The following DPP10 variants were observed in gnomAD, a reference collection of about 807,000 sequenced individuals.
The protein encoded by DPP10 is dipeptidyl peptidase like 10.
DPP10 carries 33 observed loss-of-function variants against 120.9 expected under a neutral mutation model. The ratio of observed to expected loss-of-function variants is 0.27; its 90% confidence interval spans 0.21 to 0.37. The LOEUF (loss-of-function observed/expected upper bound fraction) is 0.37. Ranked by LOEUF, DPP10 falls within the 10% of genes least tolerant of loss-of-function variation. The probability of loss-of-function intolerance (pLI) is 1.00; values close to 1 mark genes in which losing one functional copy is unlikely to be tolerated. For missense variants in DPP10, 816 were observed against 942.8 expected, an observed-to-expected ratio of 0.87 and a Z score of 1.76; for synonymous variants, 337 against 326.1, an observed-to-expected ratio of 1.03 and a Z score of -0.36.
intron 1 of DPP10, among the ~76,000 whole-genome samples, chr2:114,453,404 A>G (rs943998297): frequency 1.4e-4 from 21 of 151,960 alleles, no homozygotes; most frequent in African/African-American, 4.8e-4. Flanking sequence ...TCTTTCCTTC[A>G]TTTCTTTTTT....
intron 1 of DPP10, among the ~76,000 whole-genome samples, chr2:114,649,291 C>T (rs1161828528): frequency 6.6e-6 from 1 of 152,088 alleles, no homozygotes; most frequent in Non-Finnish European, 1.5e-5. Context: ...ATTACTGATA[C>T]TTGGGTTTCG....
chr2:115,021,654 C>T (rs561684208), intron 1 of DPP10, among the ~76,000 whole-genome samples: 2 of 152,142 alleles, frequency 1.3e-5, no homozygotes, highest in South Asian at 2.1e-4. Context: ...CTACCTAAAT[C>T]GTTTTATGAA....
At chr2:114,551,960 G>A (rs889404842) in intron 1 of DPP10, among the ~76,000 whole-genome samples, 1 of 152,154 alleles carries the variant, frequency 6.6e-6, no homozygotes, top group South Asian at 2.1e-4. Flanking sequence ...GGCATGAAAG[G>A]TACCCACTCT....
At chr2:115,400,780 G>A (rs936773765) in intron 3 of DPP10, among the ~76,000 whole-genome samples, 3 of 152,214 alleles carry the variant, frequency 2.0e-5, no homozygotes, top group Admixed American at 6.5e-5. Context: ...AGTTAGAGGA[G>A]TATCTGTGGC....
At chr2:115,799,545 T>G (rs893049871) in intron 19 of DPP10, among the ~76,000 whole-genome samples, 9 of 151,088 alleles carry the variant, frequency 6.0e-5, no homozygotes, top group Non-Finnish European at 1.2e-4. Context: ...TAACACGTCA[T>G]TTAGCATTAG....
chr2:115,047,934 G>C (rs909483637), intron 1 of DPP10, among the ~76,000 whole-genome samples: 3 of 151,966 alleles, frequency 2.0e-5, no homozygotes, highest in Non-Finnish European at 2.9e-5. Context: ...CTCACCTACT[G>C]TTCCCACAGT....
In DPP10 at chr2:114,826,838, T is replaced by C. The variant is rs185181152; in HGVS notation, c.60+384000T>C. ...CCACCGTGCTGGGCCAAGAAGACTA[T>C]TTTTATTGCTAAGTCTGATGAAAGA... On this transcript the variant is annotated intron_variant, in intron 1 of 25. Coordinates refer to ENST00000410059, the MANE Select transcript of DPP10 (RefSeq NM_020868.6). 2.5e-3 allele frequency among the ~76,000 whole-genome samples: 377 copies of C among 152,338 alleles called. 1 individual carries two copies. Among genetic ancestry groups the C allele is most frequent in the African/African-American group, 8.5e-3 (354 of 41,582 alleles).
chr2:115,568,460 C>A (rs11893232), intron 5 of DPP10, among the ~76,000 whole-genome samples: 7 of 151,420 alleles, frequency 4.6e-5, no homozygotes, highest in African/African-American at 7.3e-5. Flanking sequence ...TCCAGCCTGG[C>A]GACAGAGCGA....
At chr2:115,288,028 G>C (rs1263909112) in intron 1 of DPP10, among the ~76,000 whole-genome samples, 2 of 152,064 alleles carry the variant, frequency 1.3e-5, no homozygotes, top group South Asian at 2.1e-4. Flanking sequence ...CCTTTGGGTA[G>C]ATATTTGGTA....
chr2:115,781,058 T>C (rs1412639754), intron 16 of DPP10, 63 bp downstream of exon 16: 2 of 1,357,234 alleles, frequency 1.5e-6, no homozygotes, highest in Non-Finnish European at 2.0e-6. Context: ...CAATATCTGT[T>C]GGTATCAGCA....
At chr2:114,919,822 A>G (rs1220396617) in intron 1 of DPP10, among the ~76,000 whole-genome samples, 5 of 152,186 alleles carry the variant, frequency 3.3e-5, no homozygotes, top group Admixed American at 2.6e-4. Flanking sequence ...AGCTGAAGGC[A>G]TCTGAAGATA....
chr2:115,497,763 A>C (rs1252562469), intron 3 of DPP10, among the ~76,000 whole-genome samples: 2 of 152,126 alleles, frequency 1.3e-5, no homozygotes, highest in Non-Finnish European at 1.5e-5. Context: ...CAGGAGATCA[A>C]ATCAGCTGGC....
rs17044775 is a variant in DPP10 at position 115,612,237 on chromosome 2, A to C, written c.442-77450A>C. 8.0e-3 allele frequency among the ~76,000 whole-genome samples: 1,213 copies of C among 152,242 alleles called. 16 individuals are homozygous for C. The highest frequency in any genetic ancestry group is 0.028 in the African/African-American group (1,170 of 41,534). Reference sequence around the variant, plus strand: ...AAATTAACATCTTGAGGAAGCATGAAATTTTCCAAAAAGAATCTATGAGCA... The same window carrying C: ...AAATTAACATCTTGAGGAAGCATGACATTTTCCAAAAAGAATCTATGAGCA... On this transcript the variant is annotated intron_variant, in intron 5 of 25. Coordinates refer to ENST00000410059, the MANE Select transcript of DPP10 (RefSeq NM_020868.6).
intron 5 of DPP10, among the ~76,000 whole-genome samples, chr2:115,673,645 G>A (rs1343002265): frequency 2.0e-5 from 3 of 152,092 alleles, no homozygotes; most frequent in African/African-American, 7.2e-5. Flanking sequence ...AAACTGTTCG[G>A]TATGTAATTG....
chr2:114,680,069 C>T (rs1698926925), intron 1 of DPP10, among the ~76,000 whole-genome samples: 2 of 151,940 alleles, frequency 1.3e-5, no homozygotes, highest in African/African-American at 4.8e-5. Context: ...GTTGGCACAT[C>T]TGTACTTTTA....
chr2:115,475,979 A>G (rs1337049023), intron 3 of DPP10, among the ~76,000 whole-genome samples: 4 of 152,198 alleles, frequency 2.6e-5, no homozygotes, highest in Non-Finnish European at 5.9e-5. Flanking sequence ...TGCAAAAGGA[A>G]CTTGCTTTGT....
intron 5 of DPP10, among the ~76,000 whole-genome samples, chr2:115,551,765 T>A (rs2079888888): frequency 6.6e-6 from 1 of 152,150 alleles, no homozygotes; most frequent in Non-Finnish European, 1.5e-5. Flanking sequence ...TACTTCCTAA[T>A]GAAATGTATT....
intron 5 of DPP10, among the ~76,000 whole-genome samples, chr2:115,678,257 C>A (rs900969477): frequency 6.6e-6 from 1 of 152,234 alleles, no homozygotes; most frequent in African/African-American, 2.4e-5. Flanking sequence ...GGCATCCCCG[C>A]CTGTCACAGG....
At chr2:115,128,975 T>A (rs10185875) in intron 1 of DPP10, among the ~76,000 whole-genome samples, 17,230 of 152,106 alleles carry the variant, frequency 0.11, 1,324 homozygotes, top group East Asian at 0.3. Context: ...CCGGAGCAGT[T>A]CAAGGGGACA....
Sources: allele counts gnomAD v4.1 joint callset (sites outside exome capture counted in the v4.1 genomes callset), GRCh38; gene constraint gnomAD v4.1.1; transcripts MANE v1.5; gene names NCBI Gene and HGNC (gene_info 2026-07-23, HGNC 2026-07-21).